PTMA: variants seen among roughly 807,000 people sequenced by gnomAD.
PTMA encodes gene sequence 28.
PTMA carries 4 observed loss-of-function variants against 16.9 expected under a neutral mutation model. That is an observed-to-expected ratio of 0.24 (90% confidence interval 0.12 to 0.54). PTMA has a LOEUF of 0.54. PTMA is among the 20% of genes least tolerant of loss of function. The pLI is 0.95. For missense variants in PTMA, 120 were observed against 137.7 expected, an observed-to-expected ratio of 0.87 and a Z score of 0.64; for synonymous variants, 58 against 47.9, an observed-to-expected ratio of 1.21 and a Z score of -0.87.
In PTMA at chr2:231,713,214, G is replaced by T. The variant is rs1015002114; in HGVS notation, c.*363G>T. 2 of 472,930 alleles carry T rather than the reference G, an allele frequency of 4.2e-6. No homozygotes were observed. The highest frequency in any genetic ancestry group is 2.1e-5 in the African/African-American group (1 of 48,742). The allele number at this position is 472,930 out of a possible 1,614,324, so 29.3% of individuals were successfully genotyped here. A position where few individuals can be genotyped will look rare whatever the true frequency, so the allele number is the denominator to read the frequency against. On this transcript the variant is annotated 3_prime_UTR_variant, in exon 5 of 5. Transcript: ENST00000409115. ...CAAACCAGCCTTCGGAGCGTTCTCTGTCCTACTTCTGACTTTACTTGTGGT... is the reference window on the plus strand; with the variant it reads ...CAAACCAGCCTTCGGAGCGTTCTCTTTCCTACTTCTGACTTTACTTGTGGT...
chr2:231,710,063 A>G, intron 1 of PTMA: 1 of 1,227,408 alleles, frequency 8.1e-7, no homozygotes, highest in South Asian at 4.1e-5. Flanking sequence ...AAGCACCAAA[A>G]GGTGACTTCC....
chr2:231,712,455 A>T lies in PTMA; in HGVS notation c.224A>T (p.Asp75Val), dbSNP rs17852005. Residue 75 changes from aspartate to valine, a missense_variant, in exon 4 of 5, where the codon GAT (aspartate) becomes GTT (valine). Transcript: ENST00000409115. ...EEEEGDGEEE[D>V]GDEDEEAESA... ...TGATTCTCTCCAGGTGAGGAAGAGG[A>T]TGGAGATGAAGATGAGGAAGCTGAG... 2 of 1,613,928 alleles carry T rather than the reference A, an allele frequency of 1.2e-6. No homozygotes were observed. The highest frequency in any genetic ancestry group is 2.2e-5 in the East Asian group (1 of 44,900).
intron 1 of PTMA, 86 bp from the exon 2 acceptor site, chr2:231,711,262 T>C: frequency 9.2e-7 from 1 of 1,087,498 alleles, no homozygotes; most frequent in South Asian, 1.3e-5. Flanking sequence ...AGAACAGCCG[T>C]ACAGACCAGT....
chr2:231,709,553 A>G (rs2048488745), intron 1 of PTMA, among the ~76,000 whole-genome samples: 1 of 152,024 alleles, frequency 6.6e-6, no homozygotes, highest in African/African-American at 2.4e-5. Flanking sequence ...GCTGCCCGGG[A>G]GCACCGTGTG....
Position 231,708,532 on chromosome 2 carries a change from T to A in PTMA, c.-175T>A. ...TTCTGGCGCCGCGTGAGTCCCCCAC[T>A]GGCTGCTCTGAAAAGCCATCTTTGC... On this transcript the variant is annotated 5_prime_UTR_variant, in exon 1 of 5. Coordinates refer to ENST00000409115, the MANE Select transcript of PTMA (RefSeq NM_002823.5). The A allele has an allele frequency of 1.4e-6, 1 of 738,848 alleles. No homozygotes were observed. The highest frequency in any genetic ancestry group is 1.5e-5 in the South Asian group (1 of 66,890). The allele number at this position is 738,848 out of a possible 1,614,324, so 45.8% of individuals were successfully genotyped here. A position where few individuals can be genotyped will look rare whatever the true frequency, so the allele number is the denominator to read the frequency against.
At position 231,709,202 on chromosome 2, in the gene PTMA, G is replaced by C. The variant is rs577757943; in HGVS notation, c.45+451G>C. On this transcript the variant is annotated intron_variant, in intron 1 of 4. Transcript: ENST00000409115. Reference sequence around the variant, plus strand: ...CGGGAAGTGGCGGCGAGCGCCCGCCGGCCGCGCTGCTCTTTGTTCGGCGCC... The same window carrying C: ...CGGGAAGTGGCGGCGAGCGCCCGCCCGCCGCGCTGCTCTTTGTTCGGCGCC... Among the ~76,000 whole-genome samples, 523 of 152,304 alleles carry C rather than the reference G, an allele frequency of 3.4e-3. 1 individual carries two copies. Among genetic ancestry groups the C allele is most frequent in the African/African-American group, 0.011 (472 of 41,570 alleles).
intron 3 of PTMA, 74 bp from the exon 4 acceptor site, chr2:231,712,369 C>A: frequency 6.7e-7 from 1 of 1,488,714 alleles, no homozygotes; most frequent in Non-Finnish European, 9.3e-7. Context: ...CAGTCCACTA[C>A]ATGTTCCTCG....
At chr2:231,708,822 G>A (rs2048474261) in intron 1 of PTMA, 71 bp downstream of exon 1, 2 of 1,543,064 alleles carry the variant, frequency 1.3e-6, no homozygotes, top group South Asian at 1.1e-5. Context: ...GCGCGCAGCA[G>A]CTGGACTGTC....
At chr2:231,708,994 G>C (rs2048478475) in intron 1 of PTMA, among the ~76,000 whole-genome samples, 1 of 152,194 alleles carries the variant, frequency 6.6e-6, no homozygotes, top group Non-Finnish European at 1.5e-5. Flanking sequence ...GGGGCCGAGG[G>C]CTAGGCGCGG....
chr2:231,711,032 C>T (rs964037084), intron 1 of PTMA: 7 of 273,858 alleles, frequency 2.6e-5, no homozygotes, highest in African/African-American at 4.5e-5. Flanking sequence ...GTCCACCCGG[C>T]CGGACGGGCT....
Position 231,711,884 on chromosome 2 carries a change from G to T in PTMA, c.118-6G>T, listed in dbSNP as rs374942772. 2 of 1,612,586 alleles carry T rather than the reference G, an allele frequency of 1.2e-6. No homozygotes were observed. The highest frequency in any genetic ancestry group is 3.3e-5 in the Admixed American group (2 of 59,860). On this transcript the variant is annotated splice_polypyrimidine_tract_variant and splice_region_variant and intron_variant, in intron 2 of 4. Coordinates refer to ENST00000409115, the MANE Select transcript of PTMA (RefSeq NM_002823.5). ...GTAATGACATGGCCTGTTTTCTGTC[G>T]AGGAGAATGAGGAAAATGGGGAGCA...
chr2:231,708,834 C>A, intron 1 of PTMA, 83 bp downstream of exon 1: 25 of 1,492,784 alleles, frequency 1.7e-5, no homozygotes, highest in Non-Finnish European at 2.2e-5. Flanking sequence ...TGGACTGTCT[C>A]AAGCCCGCTG....
chr2:231,709,480 G>A (rs1290565540), intron 1 of PTMA, among the ~76,000 whole-genome samples: 1 of 152,196 alleles, frequency 6.6e-6, no homozygotes, highest in Non-Finnish European at 1.5e-5. Context: ...GAGAGCCCAC[G>A]CGCCGCAGGG....
intron 1 of PTMA, chr2:231,710,433 C>G (rs909920465): frequency 1.7e-6 from 2 of 1,146,774 alleles, no homozygotes; most frequent in African/African-American, 1.7e-5. Context: ...CACTGCTCCC[C>G]GGGGCTTCGG....
At chr2:231,712,195 G>T (rs769961202) in intron 3 of PTMA, among the ~76,000 whole-genome samples, 4 of 152,314 alleles carry the variant, frequency 2.6e-5, no homozygotes, top group South Asian at 2.1e-4. Flanking sequence ...TCGCACACCT[G>T]AAAGTTTCTT....
At position 231,708,599 on chromosome 2, in the gene PTMA, G is replaced by C. The variant is rs943024627; in HGVS notation, c.-108G>C. 7.0e-7 allele frequency: 1 copy of C among 1,431,784 alleles called. No homozygotes were observed. The highest frequency in any genetic ancestry group is 1.4e-5 in the African/African-American group (1 of 71,082). 88.7% of individuals were successfully genotyped at this position (1,431,784 alleles called of 1,614,324 possible). On this transcript the variant is annotated 5_prime_UTR_variant, in exon 1 of 5. Coordinates refer to ENST00000409115, the MANE Select transcript of PTMA (RefSeq NM_002823.5). Reference sequence around the variant, plus strand: ...CTCCTTGCTCGCCGCAGCCGCCTCCGCCGCGCGCCTCCTCCGCCGCCGCGG... The same window carrying C: ...CTCCTTGCTCGCCGCAGCCGCCTCCCCCGCGCGCCTCCTCCGCCGCCGCGG...
chr2:231,710,521 T>A, intron 1 of PTMA: 2 of 866,384 alleles, frequency 2.3e-6, no homozygotes, highest in Non-Finnish European at 3.3e-6. Context: ...GGCCGACAGG[T>A]GGCCCGGAGC....
rs201874804 is a variant in PTMA at position 231,712,421 on chromosome 2, C to T, written c.212-22C>T. ...CACAGTAGGAGGGAAGTGTGGTTTA[C>T]CTGGCCTTTGATTCTCTCCAGGTGA... On this transcript the variant is annotated intron_variant, in intron 3 of 4. Coordinates refer to ENST00000409115, the MANE Select transcript of PTMA (RefSeq NM_002823.5). The T allele has an allele frequency of 3.1e-6, 5 of 1,611,176 alleles. No individual in the cohort carries two copies. The African/African-American group carries it at 5.3e-5, about 17-fold the overall frequency.
In PTMA at chr2:231,713,353, ACTTAG is replaced by A. The variant is rs2048545363; in HGVS notation, c.*505_*509del. 2.0e-6 allele frequency: 1 copy of A among 511,802 alleles called. No homozygotes were observed. 31.7% of individuals were successfully genotyped at this position (511,802 alleles called of 1,614,324 possible). On this transcript the variant is annotated 3_prime_UTR_variant, in exon 5 of 5. Transcript: ENST00000409115. ...ATTCCAGTAACTTTTTTGTGTATGT[ACTTAG>A]CTGTACTATAAGTAGTTGGTTTGTA...
Sources: gnomAD v4.1 joint callset for allele counts (sites outside exome capture counted in the v4.1 genomes callset) on GRCh38, gnomAD v4.1.1 for gene constraint, MANE v1.5 for transcripts, NCBI Gene and HGNC (gene_info 2026-07-23, HGNC 2026-07-21) for gene names.